Variants in SALL3 observed in about 807,000 individuals in gnomAD.
The protein encoded by SALL3 is spalt like transcription factor 3, also known as sal-like protein 3.
In SALL3, 25 loss-of-function variants were observed where a neutral mutation model predicts 66.2. The observed-to-expected ratio is 0.38, with a 90% CI of 0.28 to 0.53. SALL3 has a LOEUF of 0.53. Ranked by LOEUF, SALL3 falls within the 20% of genes least tolerant of loss-of-function variation. The pLI is 0.85. For missense variants in SALL3, 2,194 were observed against 1,916.5 expected, an observed-to-expected ratio of 1.14 and a Z score of -2.70; for synonymous variants, 1,152 against 899.1, an observed-to-expected ratio of 1.28 and a Z score of -5.03.
chr18:78,997,284 C>T lies in SALL3; in HGVS notation c.3865C>T (p.Arg1289Trp), dbSNP rs780459845. 1.5e-5 allele frequency: 25 copies of T among 1,613,836 alleles called. No individual in the cohort carries two copies. The highest frequency in any genetic ancestry group is 2.2e-5 in the South Asian group (2 of 91,076). The change falls in exon 3 of 3, where the codon CGG (arginine) becomes TGG (tryptophan). Residue 1289 changes from arginine (R) to tryptophan (W), a missense_variant. Arg to Trp is a moderately radical substitution (Grantham distance 101, BLOSUM62 -3). Coordinates refer to ENST00000537592, the MANE Select transcript of SALL3 (RefSeq NM_171999.4). ...SETAASRPFT[R>W]FIEDNKEIGI... Reference sequence around the variant, plus strand: ...AACAGCAGCCAGCCGCCCATTCACGCGGTTTATCGAGGATAACAAGGAGAT... The same window carrying T: ...AACAGCAGCCAGCCGCCCATTCACGTGGTTTATCGAGGATAACAAGGAGAT...
chr18:78,985,850 G>A (rs573364803), intron 1 of SALL3, among the ~76,000 whole-genome samples: 5 of 152,166 alleles, frequency 3.3e-5, no homozygotes, highest in Non-Finnish European at 5.9e-5. Context: ...TTCATGTGTC[G>A]GATCAGTGAG....
intron 1 of SALL3, among the ~76,000 whole-genome samples, chr18:78,982,750 G>C (rs1409671541): frequency 2.0e-5 from 3 of 152,210 alleles, no homozygotes; most frequent in Non-Finnish European, 4.4e-5. Context: ...GAAGTTGCAA[G>C]TGAGCTCAGT....
In SALL3 at chr18:78,994,825, C is replaced by T. The variant is rs760579516; in HGVS notation, c.2834C>T (p.Pro945Leu). The change falls in exon 2 of 3, where the codon CCG becomes CTG. Residue 945 changes from proline (P) to leucine (L), a missense_variant. Transcript: ENST00000537592. ...TERPDSPAAA[P>L]GSGGAPGRAG... is the part of the protein sequence containing the mutation. ...AGGCCGGACAGCCCAGCCGCCGCCC[C>T]GGGCAGCGGAGGCGCCCCTGGCCGC... 9 of 1,596,270 alleles carry T rather than the reference C, an allele frequency of 5.6e-6. No individual in the cohort carries two copies. The highest frequency in any genetic ancestry group is 2.7e-5 in the African/African-American group (2 of 74,512).
At chr18:78,990,767 C>T (rs1158634782) in intron 1 of SALL3, among the ~76,000 whole-genome samples, 2 of 152,170 alleles carry the variant, frequency 1.3e-5, no homozygotes, top group Non-Finnish European at 2.9e-5. Context: ...GCCATCACTC[C>T]ATCTGTAAGT....
intron 1 of SALL3, among the ~76,000 whole-genome samples, chr18:78,988,346 ATAAACACTG>A (rs1914314239): frequency 6.6e-6 from 1 of 152,224 alleles, no homozygotes; most frequent in Non-Finnish European, 1.5e-5. Context: ...AGATTGGCAC[ATAAACACTG>A]TAATATATGC....
chr18:78,984,029 A>G (rs1914158680), intron 1 of SALL3, among the ~76,000 whole-genome samples: 1 of 152,232 alleles, frequency 6.6e-6, no homozygotes, highest in Non-Finnish European at 1.5e-5. Context: ...TTCAACTTCC[A>G]TGGCATATGC....
At chr18:78,987,591 A>G (rs945669873) in intron 1 of SALL3, among the ~76,000 whole-genome samples, 1 of 152,152 alleles carries the variant, frequency 6.6e-6, no homozygotes, top group African/African-American at 2.4e-5. Flanking sequence ...TGGAAAAAAA[A>G]ACTATATTTT....
Position 78,994,183 on chromosome 18 carries a change from C to G in SALL3, c.2192C>G (p.Ala731Gly). The change falls in exon 2 of 3, where the codon GCA (alanine) becomes GGA (glycine). Residue 731 changes from alanine to glycine, a missense_variant. By Grantham distance (60) the Ala-to-Gly change is moderately conservative. Coordinates refer to ENST00000537592, the MANE Select transcript of SALL3 (RefSeq NM_171999.4). ...NLKTHFGVHR[A>G]KPPLRVQHSC... is the part of the protein sequence containing the mutation. The stretch of plus-strand genomic sequence containing the variant: ...AAGACGCACTTCGGCGTGCACCGTG[C>G]AAAGCCGCCCCTGCGCGTGCAGCAC... The G allele has an allele frequency of 6.2e-7, 1 of 1,613,316 alleles. No homozygotes were observed. Among genetic ancestry groups the G allele is most frequent in the South Asian group, 1.1e-5 (1 of 91,078 alleles).
At position 78,994,203 on chromosome 18, in the gene SALL3, C is replaced by T; in HGVS notation, c.2212C>T (p.Gln738Ter). The stretch of plus-strand genomic sequence containing the variant: ...CCGTGCAAAGCCGCCCCTGCGCGTG[C>T]AGCACTCCTGCCCCATCTGCCAGAA... ...VHRAKPPLRV[Q>*]HSCPICQKKF... The change falls in exon 2 of 3, where the codon CAG becomes TAG. Residue 738 changes from glutamine to a stop codon, truncating the protein, a stop_gained. Coordinates refer to ENST00000537592, the MANE Select transcript of SALL3 (RefSeq NM_171999.4). LOFTEE classifies it high-confidence loss of function. The T allele has an allele frequency of 6.2e-7, 1 of 1,613,520 alleles. No individual in the cohort carries two copies. The highest frequency in any genetic ancestry group is 8.5e-7 in the Non-Finnish European group (1 of 1,179,992).
At chr18:78,981,067 G>A (rs1013535896) in intron 1 of SALL3, among the ~76,000 whole-genome samples, 3 of 152,240 alleles carry the variant, frequency 2.0e-5, no homozygotes, top group Non-Finnish European at 4.4e-5. Flanking sequence ...TGGATCCGCC[G>A]AGGCCGGGCG....
chr18:78,992,042 G>A (rs1914450187), intron 1 of SALL3, 32 bp from the exon 2 acceptor site: 8 of 1,393,124 alleles, frequency 5.7e-6, no homozygotes, highest in Non-Finnish European at 7.5e-6. Context: ...CGGGCGCCGA[G>A]CCCCGGCTGA....
rs779145915 is a variant in SALL3 at position 78,994,859 on chromosome 18, CAAG to C, written c.2869_2871del (p.Lys957del). On this transcript the variant is annotated inframe_deletion, in exon 2 of 3. Coordinates refer to ENST00000537592, the MANE Select transcript of SALL3 (RefSeq NM_171999.4). Reference sequence around the variant, plus strand: ...GAGGCGCCCCTGGCCGCGCGGGCATCAAGGAGGAGGCGCCCTTCAGCCTGCTGT... The same window carrying C: ...GAGGCGCCCCTGGCCGCGCGGGCATCGAGGAGGCGCCCTTCAGCCTGCTGT... 1.1e-5 allele frequency: 17 copies of C among 1,604,522 alleles called. No homozygotes were observed. Among genetic ancestry groups the C allele is most frequent in the South Asian group, 3.3e-5 (3 of 90,276 alleles).
chr18:78,989,230 A>G (rs183692440), intron 1 of SALL3, among the ~76,000 whole-genome samples: 145 of 152,322 alleles, frequency 9.5e-4, no homozygotes, highest in African/African-American at 3.1e-3. Context: ...GTGAAATCAC[A>G]TGTGGAAACA....
chr18:78,990,691 C>G (rs1914401400), intron 1 of SALL3, among the ~76,000 whole-genome samples: 2 of 152,326 alleles, frequency 1.3e-5, no homozygotes, highest in South Asian at 4.1e-4. Flanking sequence ...TTCTCACACT[C>G]AACTGTGCGC....
Position 78,996,959 on chromosome 18 carries a change from C to G in SALL3, c.3540C>G (p.Asn1180Lys). The G allele has an allele frequency of 1.9e-6, 3 of 1,613,836 alleles. No homozygotes were observed. Among genetic ancestry groups the G allele is most frequent in the Non-Finnish European group, 2.5e-6 (3 of 1,180,006 alleles). ...ARRGRRLSVE[N>K]PMALLGGDAL... ...GCGGCCGCCGCCTGTCTGTGGAGAA[C>G]CCCATGGCTCTCCTAGGGGGTGATG... Residue 1180 changes from asparagine (N) to lysine (K), a missense_variant, in exon 3 of 3, where the codon AAC becomes AAG. Coordinates refer to ENST00000537592, the MANE Select transcript of SALL3 (RefSeq NM_171999.4).
Position 78,993,329 on chromosome 18 carries a change from G to C in SALL3, c.1338G>C (p.Arg446=), listed in dbSNP as rs1160143337. 6.2e-7 allele frequency: 1 copy of C among 1,612,292 alleles called. No homozygotes were observed. The highest frequency in any genetic ancestry group is 8.5e-7 in the Non-Finnish European group (1 of 1,179,912). ...QIHLRSHTGE[R]PFKCNICGNR... is the part of the protein sequence containing the mutation. ...ACCTGCGCTCGCACACAGGCGAGCG[G>C]CCCTTCAAGTGCAACATCTGCGGGA... Residue 446 remains arginine (R), a synonymous_variant, in exon 2 of 3, where the codon CGG becomes CGC. Coordinates refer to ENST00000537592, the MANE Select transcript of SALL3 (RefSeq NM_171999.4).
At chr18:78,989,310 A>C (rs1013176472) in intron 1 of SALL3, among the ~76,000 whole-genome samples, 3 of 152,224 alleles carry the variant, frequency 2.0e-5, no homozygotes, top group African/African-American at 7.2e-5. Context: ...AACTAATGGG[A>C]ATGTAAAAAT....
chr18:78,998,022 T>C lies in SALL3; in HGVS notation c.*700T>C, dbSNP rs1914759101. 1 of 152,516 alleles carries C rather than the reference T, an allele frequency of 6.6e-6. No homozygotes were observed. Among genetic ancestry groups the C allele is most frequent in the South Asian group, 2.1e-4 (1 of 4,824 alleles). 9.4% of individuals were successfully genotyped at this position (152,516 alleles called of 1,614,324 possible). On this transcript the variant is annotated 3_prime_UTR_variant, in exon 3 of 3. Coordinates refer to ENST00000537592, the MANE Select transcript of SALL3 (RefSeq NM_171999.4). The stretch of plus-strand genomic sequence containing the variant: ...TACCTGTCAGTAATAAGCCTTTTTT[T>C]TTTTTTTTTTTAATTTAAATGTTTG...
rs981030936 is a variant in SALL3, at chr18:78,994,199, C to T, written c.2208C>T (p.Arg736=). 9 of 1,613,482 alleles carry T rather than the reference C, an allele frequency of 5.6e-6. 1 individual carries two copies. The highest frequency in any genetic ancestry group is 1.7e-4 in the Middle Eastern group (1 of 6,060). Residue 736 remains arginine (R), a synonymous_variant, in exon 2 of 3, where the codon CGC becomes CGT. Coordinates refer to ENST00000537592, the MANE Select transcript of SALL3 (RefSeq NM_171999.4). ...FGVHRAKPPL[R]VQHSCPICQK... Reference sequence around the variant, plus strand: ...TGCACCGTGCAAAGCCGCCCCTGCGCGTGCAGCACTCCTGCCCCATCTGCC... The same window carrying T: ...TGCACCGTGCAAAGCCGCCCCTGCGTGTGCAGCACTCCTGCCCCATCTGCC...
Sources: gnomAD v4.1 joint callset for allele counts (sites outside exome capture counted in the v4.1 genomes callset) on GRCh38, gnomAD v4.1.1 for gene constraint, MANE v1.5 for transcripts, NCBI Gene and HGNC (gene_info 2026-07-23, HGNC 2026-07-21) for gene names.